The following PLCL1 variants were observed in gnomAD, a reference collection of about 807,000 sequenced individuals.
PLCL1 encodes inactive phospholipase C-like protein 1.
PLCL1 carries 41 observed loss-of-function variants against 84.4 expected under a neutral mutation model. That is an observed-to-expected ratio of 0.49 (90% CI 0.38 to 0.63). The LOEUF is 0.63. Ranked by LOEUF, PLCL1 falls within the 30% of genes least tolerant of loss-of-function variation. PLCL1 has a pLI of 0.00. For missense variants in PLCL1, 1,206 were observed against 1,367.8 expected (o/e 0.88, Z 1.87); for synonymous variants, 490 against 488.3 (o/e 1.00, Z -0.05).
At chr2:197,907,503 T>A (rs1332582049) in intron 1 of PLCL1, among the ~76,000 whole-genome samples, 3 of 152,178 alleles carry the variant, frequency 2.0e-5, no homozygotes, top group African/African-American at 7.2e-5. Flanking sequence ...CAGTGTAGGT[T>A]GTTCCTCAGG....
intron 1 of PLCL1, among the ~76,000 whole-genome samples, chr2:197,884,689 A>T (rs1687887347): frequency 6.6e-6 from 1 of 152,154 alleles, no homozygotes; most frequent in African/African-American, 2.4e-5. Context: ...CATTCCCCAT[A>T]TGCAAATTAG....
chr2:198,131,839 G>A (rs995943113), intron 5 of PLCL1, among the ~76,000 whole-genome samples: 8 of 152,210 alleles, frequency 5.3e-5, no homozygotes, highest in Non-Finnish European at 1.0e-4. Flanking sequence ...GCTTCTTGAA[G>A]TGAGACTGCA....
chr2:197,991,077 T>C (rs935183765), intron 1 of PLCL1, among the ~76,000 whole-genome samples: 1 of 152,090 alleles, frequency 6.6e-6, no homozygotes, highest in Non-Finnish European at 1.5e-5. Flanking sequence ...CTGGATGAGA[T>C]TAGCATTTGA....
intron 1 of PLCL1, among the ~76,000 whole-genome samples, chr2:197,886,550 G>C (rs1031576814): frequency 6.0e-5 from 9 of 148,920 alleles, no homozygotes; most frequent in African/African-American, 2.2e-4. Flanking sequence ...TTGAAGGTTT[G>C]TGGAAAAAAA....
intron 5 of PLCL1, among the ~76,000 whole-genome samples, chr2:198,139,590 G>A (rs1694334939): frequency 6.6e-6 from 1 of 151,822 alleles, no homozygotes; most frequent in Non-Finnish European, 1.5e-5. Context: ...TACAGCTAGG[G>A]TATTATATTT....
intron 1 of PLCL1, among the ~76,000 whole-genome samples, chr2:197,822,508 C>CAATAAA: frequency 6.6e-6 from 1 of 152,150 alleles, no homozygotes; most frequent in African/African-American, 2.4e-5. Context: ...TAAATAACCC[C>CAATAAA]TGACATTTAT....
chr2:198,110,531 T>A (rs1693593915), intron 5 of PLCL1, among the ~76,000 whole-genome samples: 1 of 151,910 alleles, frequency 6.6e-6, no homozygotes, highest in South Asian at 2.1e-4. Context: ...ATTTGAAGTC[T>A]CTGTTCATTG....
chr2:198,126,631 G>A (rs988081032), intron 5 of PLCL1, among the ~76,000 whole-genome samples: 2 of 152,058 alleles, frequency 1.3e-5, no homozygotes, highest in East Asian at 1.9e-4. Flanking sequence ...CAGGCCAAGC[G>A]CGGTGGCTCA....
Position 197,805,404 on chromosome 2 carries a change from A to T in PLCL1, c.240+65A>T. On this transcript the variant is annotated intron_variant, in intron 1 of 5. Coordinates refer to ENST00000428675, the MANE Select transcript of PLCL1 (RefSeq NM_006226.4). This position sits in a 1 kb window ranked among gnomAD's most constrained non-coding sequence, Gnocchi z 4.0. ...TGATGGGTGGGTCAGGGACCCGGGC[A>T]GGATGTGCGGTGTCCGGAGGCATCC... The T allele has an allele frequency of 7.7e-7, 1 of 1,296,626 alleles. No individual in the cohort carries two copies. Among genetic ancestry groups the T allele is most frequent in the Non-Finnish European group, 9.8e-7 (1 of 1,025,320 alleles). 80.3% of individuals were successfully genotyped at this position (1,296,626 alleles called of 1,614,324 possible). A position where few individuals can be genotyped will look rare whatever the true frequency, so the allele number is the denominator to read the frequency against.
intron 1 of PLCL1, among the ~76,000 whole-genome samples, chr2:197,824,713 CAAAA>C (rs1163183876): frequency 5.4e-5 from 3 of 55,542 alleles, no homozygotes; most frequent in African/African-American, 1.3e-4. Context: ...GACCCTGTCT[CAAAA>C]AAAAAAAAAA....
intron 1 of PLCL1, among the ~76,000 whole-genome samples, chr2:197,973,935 T>C (rs1689917409): frequency 6.6e-6 from 1 of 152,212 alleles, no homozygotes; most frequent in Non-Finnish European, 1.5e-5. Context: ...GAATAGGGAA[T>C]TAGTTATCTA....
intron 3 of PLCL1, among the ~76,000 whole-genome samples, chr2:198,089,711 G>A (rs1324374624): frequency 6.6e-6 from 1 of 152,146 alleles, no homozygotes; most frequent in African/African-American, 2.4e-5. Flanking sequence ...TATGCTAAAT[G>A]TTGTCTCTTC....
chr2:197,829,923 C>T (rs913195014), intron 1 of PLCL1, among the ~76,000 whole-genome samples: 1 of 152,138 alleles, frequency 6.6e-6, no homozygotes, highest in African/African-American at 2.4e-5. Context: ...TGTAATAATT[C>T]ATGATCTACA....
chr2:198,096,969 A>G lies in PLCL1; in HGVS notation c.2920-4316A>G, dbSNP rs114307721. Reference sequence around the variant, plus strand: ...ATGGGAAAGAGTTGTAGTTATGTCTATAGTTCCCCGATTTAGTTTTGCTTA... The same window carrying G: ...ATGGGAAAGAGTTGTAGTTATGTCTGTAGTTCCCCGATTTAGTTTTGCTTA... On this transcript the variant is annotated intron_variant, in intron 3 of 5. Transcript: ENST00000428675. 2.7e-3 allele frequency among the ~76,000 whole-genome samples: 417 copies of G among 152,284 alleles called. 3 individuals are homozygous for G. The highest frequency in any genetic ancestry group is 9.0e-3 in the African/African-American group (376 of 41,556).
intron 1 of PLCL1, among the ~76,000 whole-genome samples, chr2:197,961,835 T>C (rs1429029870): frequency 6.6e-6 from 1 of 152,052 alleles, no homozygotes; most frequent in Non-Finnish European, 1.5e-5. Flanking sequence ...AGATATTTCC[T>C]GCCTCTTCAA....
chr2:197,969,276 G>A (rs1044868742), intron 1 of PLCL1, among the ~76,000 whole-genome samples: 2 of 152,196 alleles, frequency 1.3e-5, no homozygotes, highest in African/African-American at 4.8e-5. Context: ...CAAAGTGCAT[G>A]TGTGAGTCTA....
rs149849152 is a variant in PLCL1 at position 197,836,211 on chromosome 2, C to T, written c.240+30872C>T. On this transcript the variant is annotated intron_variant, in intron 1 of 5. Coordinates refer to ENST00000428675, the MANE Select transcript of PLCL1 (RefSeq NM_006226.4). The stretch of plus-strand genomic sequence containing the variant: ...AATCCTTACCTTTACTTTGGGAGGC[C>T]GAGGCGGGCGGATCACGAGGTCAGG... Among the ~76,000 whole-genome samples the T allele has an allele frequency of 9.5e-3, 1,447 of 151,644 alleles. 28 individuals carry two copies. Among genetic ancestry groups the T allele is most frequent in the African/African-American group, 0.031 (1,292 of 41,310 alleles).
At chr2:197,816,029 C>T (rs1441843185) in intron 1 of PLCL1, among the ~76,000 whole-genome samples, 1 of 152,072 alleles carries the variant, frequency 6.6e-6, no homozygotes, top group African/African-American at 2.4e-5. Context: ...AGAGAGTGGG[C>T]TCCTATTTTA....
chr2:198,088,013 A>G (rs866036773), intron 2 of PLCL1, among the ~76,000 whole-genome samples: 2 of 152,158 alleles, frequency 1.3e-5, no homozygotes, highest in Non-Finnish European at 2.9e-5. Context: ...ACATAATTCT[A>G]GTACTATTAT....
Sources: gnomAD v4.1 joint callset for allele counts (sites outside exome capture counted in the v4.1 genomes callset) on GRCh38, gnomAD v4.1.1 for gene constraint, Gnocchi (gnomAD v3.1) non-coding constraint, MANE v1.5 for transcripts, NCBI Gene and HGNC (gene_info 2026-07-23, HGNC 2026-07-21) for gene names.